The following EPB41 variants were observed in gnomAD, a reference collection of about 807,000 sequenced individuals.
EPB41 encodes protein 4.1.
A neutral mutation model predicts 108.0 loss-of-function variants in EPB41; 65 were observed. The observed-to-expected ratio is 0.60, with a 90% confidence interval of 0.49 to 0.74. The LOEUF (loss-of-function observed/expected upper bound fraction) is 0.74, where lower values mean the gene tolerates loss of function less well. Among genes scored for constraint, EPB41 ranks in the 30% least tolerant of loss-of-function variants. The pLI is 0.00. For synonymous variants in EPB41, 336 were observed against 358.9 expected (o/e 0.94, Z 0.72); for missense variants, 875 against 1,037.0 (o/e 0.84, Z 2.15).
At chr1:29,069,393 A>C (rs1650145614) in intron 16 of EPB41, 4 of 1,229,426 alleles carry the variant, frequency 3.3e-6, no homozygotes, top group Non-Finnish European at 4.1e-6. Flanking sequence ...TTTCTTTAAA[A>C]GTGTCTAAAG....
intron 4 of EPB41, among the ~76,000 whole-genome samples, 154 bp downstream of exon 4, chr1:28,997,473 C>G (rs936207522): frequency 6.6e-6 from 1 of 152,114 alleles, no homozygotes; most frequent in African/African-American, 2.4e-5. Context: ...TATTTTTCTT[C>G]TAGAATTAAC....
At chr1:29,037,387 A>G (rs1417995914) in intron 10 of EPB41, among the ~76,000 whole-genome samples, 1 of 151,548 alleles carries the variant, frequency 6.6e-6, no homozygotes, top group African/African-American at 2.4e-5. Flanking sequence ...AAGAGGCCAT[A>G]TTATTAACCC....
At chr1:28,984,498 G>A (rs1049909578) in intron 1 of EPB41, among the ~76,000 whole-genome samples, 8 of 152,180 alleles carry the variant, frequency 5.3e-5, no homozygotes, top group Non-Finnish European at 2.9e-5. Context: ...CTAGCACGTA[G>A]CATCAGTCCT....
upstream of EPB41, among the ~76,000 whole-genome samples, chr1:28,911,971 GC>G (rs1445426393): frequency 2.6e-5 from 4 of 152,180 alleles, no homozygotes; most frequent in Non-Finnish European, 5.9e-5. Context: ...AACCTGGGAG[GC>G]AGAGGTTGCA....
At chr1:28,998,838 G>A (rs2149709126) in intron 4 of EPB41, among the ~76,000 whole-genome samples, 1 of 152,302 alleles carries the variant, frequency 6.6e-6, no homozygotes, top group South Asian at 2.1e-4. Flanking sequence ...TATTTGAGGT[G>A]ATGGATAGTT....
intron 11 of EPB41, among the ~76,000 whole-genome samples, chr1:29,044,449 T>G (rs2150537212): frequency 6.6e-6 from 1 of 152,354 alleles, no homozygotes; most frequent in East Asian, 1.9e-4. Context: ...AAATCACATC[T>G]TGACTGCCTT....
At chr1:28,950,212 C>T (rs1344043552) in intron 1 of EPB41, among the ~76,000 whole-genome samples, 2 of 152,102 alleles carry the variant, frequency 1.3e-5, no homozygotes, top group South Asian at 2.1e-4. Context: ...TTCAGCCTTA[C>T]AAGATATGAT....
intron 1 of EPB41, among the ~76,000 whole-genome samples, chr1:28,917,072 T>TG (rs2092726783): frequency 6.6e-6 from 1 of 152,120 alleles, no homozygotes; most frequent in Non-Finnish European, 1.5e-5. Flanking sequence ...ATTACAGATG[T>TG]GAGCCACCTC....
At chr1:28,975,479 C>G (rs2095582207) in intron 1 of EPB41, among the ~76,000 whole-genome samples, 4 of 152,086 alleles carry the variant, frequency 2.6e-5, no homozygotes, top group Admixed American at 2.6e-4. Context: ...CCTGAATTTA[C>G]CCAGTCATTT....
chr1:29,020,683 G>A (rs1400629117), intron 7 of EPB41, among the ~76,000 whole-genome samples: 3 of 151,786 alleles, frequency 2.0e-5, no homozygotes, highest in Non-Finnish European at 4.4e-5. Context: ...AAAGAGAGAT[G>A]GAATGTCACT....
chr1:28,900,190 T>C (rs886877207), intron 1 of EPB41, among the ~76,000 whole-genome samples: 1 of 152,132 alleles, frequency 6.6e-6, no homozygotes, highest in African/African-American at 2.4e-5. Context: ...AATAAATATT[T>C]AGAGTTTCCA....
At chr1:28,903,893 G>A (rs932368863) in intron 1 of EPB41, among the ~76,000 whole-genome samples, 1 of 151,824 alleles carries the variant, frequency 6.6e-6, no homozygotes, top group African/African-American at 2.4e-5. Flanking sequence ...TTGAGACAGA[G>A]TCTCACTCTG....
chr1:29,053,306 A>G lies in EPB41; in HGVS notation c.1839A>G (p.Ala613=), dbSNP rs1644827133. 1 of 1,614,212 alleles carries G rather than the reference A, an allele frequency of 6.2e-7. No individual in the cohort carries two copies. Among genetic ancestry groups the G allele is most frequent in the Non-Finnish European group, 8.5e-7 (1 of 1,180,034 alleles). Residue 613 remains alanine, a synonymous_variant, in exon 12 of 21, where the codon GCA becomes GCG. Coordinates refer to ENST00000343067, the MANE Select transcript of EPB41 (RefSeq NM_001376013.1). The part of the protein sequence containing the change: ...PEQAEPEPTE[A]WKVEKTHIEV... ...AAGCTGAGCCAGAGCCCACAGAAGC[A>G]TGGAAGGTATGTCATCAGTCCAAAT...
chr1:28,990,738 T>A (rs575975092), intron 2 of EPB41, among the ~76,000 whole-genome samples: 2 of 152,174 alleles, frequency 1.3e-5, no homozygotes, highest in African/African-American at 4.8e-5. Flanking sequence ...TTTAACTGCT[T>A]TTTTCTCCTT....
intron 7 of EPB41, among the ~76,000 whole-genome samples, chr1:29,028,460 C>T (rs2096749397): frequency 6.6e-6 from 1 of 152,180 alleles, no homozygotes; most frequent in Non-Finnish European, 1.5e-5. Flanking sequence ...TAGTAACATT[C>T]ATTCATTCAG....
chr1:28,902,045 G>A lies in EPB41; in HGVS notation c.-8+14835G>A, dbSNP rs139250453. On this transcript the variant is annotated intron_variant, in intron 1 of 16. Transcript: ENST00000347529. ...ATATCCCTTGTACCTAGAACAGTGCGTGGTGCATAGGAAGTGCTCAGTAAA... is the reference window on the plus strand; with the variant it reads ...ATATCCCTTGTACCTAGAACAGTGCATGGTGCATAGGAAGTGCTCAGTAAA... 9.1e-3 allele frequency among the ~76,000 whole-genome samples: 1,382 copies of A among 152,248 alleles called. 10 individuals carry two copies. The highest frequency in any genetic ancestry group is 0.015 in the Non-Finnish European group (1,045 of 68,032).
chr1:29,081,164 A>G (rs981040649), intron 16 of EPB41, among the ~76,000 whole-genome samples: 50 of 152,228 alleles, frequency 3.3e-4, no homozygotes, highest in Non-Finnish European at 1.5e-4. Flanking sequence ...TCAGAATGTT[A>G]TTTTAAATCA....
chr1:28,982,510 GAGGTGCTA>G (rs1345490566), intron 1 of EPB41: 1 of 932,732 alleles, frequency 1.1e-6, no homozygotes, highest in Non-Finnish European at 1.8e-6. Context: ...GGGGCAATCT[GAGGTGCTA>G]TCATCAATGT....
chr1:29,043,718 T>C (rs559567700), intron 11 of EPB41, among the ~76,000 whole-genome samples: 1 of 152,280 alleles, frequency 6.6e-6, no homozygotes, highest in Admixed American at 6.5e-5. Context: ...ACTGGGAAGC[T>C]ATTAGAGGGA....
Sources: allele counts gnomAD v4.1 joint callset (sites outside exome capture counted in the v4.1 genomes callset), GRCh38; gene constraint gnomAD v4.1.1; transcripts MANE v1.5; gene names NCBI Gene and HGNC (gene_info 2026-07-23, HGNC 2026-07-21).